POLR1D: variants seen among roughly 807,000 people sequenced by gnomAD.
POLR1D encodes RNA polymerase I and III subunit D.
Under a neutral mutation model 10.8 loss-of-function variants are expected in POLR1D, and 8 were observed. The observed-to-expected ratio is 0.74, with a 90% CI of 0.43 to 1.33. The LOEUF (loss-of-function observed/expected upper bound fraction) is 1.33. POLR1D is among the 40% of genes most tolerant of loss of function. The probability of loss-of-function intolerance (pLI) is 0.01; values close to 1 mark genes in which losing one functional copy is unlikely to be tolerated. For missense variants in POLR1D, 152 were observed against 161.7 expected (o/e 0.94, Z 0.32); for synonymous variants, 54 against 57.2 (o/e 0.94, Z 0.25).
At chr13:27,641,596 A>C (rs1330315808) in intron 1 of POLR1D, among the ~76,000 whole-genome samples, 1 of 152,204 alleles carries the variant, frequency 6.6e-6, no homozygotes, top group Non-Finnish European at 1.5e-5. Flanking sequence ...CATATTTGTC[A>C]AGATAGGAAG....
At chr13:27,664,453 A>G (rs1483147249) in intron 2 of POLR1D, among the ~76,000 whole-genome samples, 1 of 151,974 alleles carries the variant, frequency 6.6e-6, no homozygotes, top group Non-Finnish European at 1.5e-5. Context: ...GTCCTTTTCT[A>G]AGTTTCTCCT....
intron 1 of POLR1D, among the ~76,000 whole-genome samples, chr13:27,638,756 A>G (rs1956149419): frequency 6.6e-6 from 1 of 152,200 alleles, no homozygotes; most frequent in African/African-American, 2.4e-5. Context: ...AGGACAGTCT[A>G]CAGAGAACTG....
exon 3 of POLR1D, chr13:27,665,769 A>T (rs745567264): frequency 6.2e-7 from 1 of 1,613,890 alleles, no homozygotes; most frequent in Non-Finnish European, 8.5e-7. Flanking sequence ...AAAGAGCAAG[A>T]CCATGAACAA....
chr13:27,621,481 G>A (rs978324503), upstream of POLR1D: 1 of 152,402 alleles, frequency 6.6e-6, no homozygotes, highest in African/African-American at 2.4e-5. Context: ...CCCACAAAAG[G>A]CCCGGGAGGG....
chr13:27,629,587 A>C (rs1209420133), intron 1 of POLR1D, among the ~76,000 whole-genome samples: 1 of 152,192 alleles, frequency 6.6e-6, no homozygotes, highest in Non-Finnish European at 1.5e-5. Flanking sequence ...ATATGATTTG[A>C]GGACCCCTGT....
Position 27,636,538 on chromosome 13 carries a change from T to C in POLR1D, c.27-11841T>C, listed in dbSNP as rs183809359. 2.6e-3 allele frequency among the ~76,000 whole-genome samples: 396 copies of C among 152,038 alleles called. 3 individuals are homozygous for C. Among genetic ancestry groups the C allele is most frequent in the African/African-American group, 9.2e-3 (382 of 41,308 alleles). On this transcript the variant is annotated intron_variant, in intron 1 of 2. Transcript: ENST00000399697. Reference sequence around the variant, plus strand: ...AAAACACTGGGCGTTCAGGAATTAATATAGTGTATGTCCCGATTTCTATCA... The same window carrying C: ...AAAACACTGGGCGTTCAGGAATTAACATAGTGTATGTCCCGATTTCTATCA...
At chr13:27,644,874 TTTAAG>T (rs1432896415) in intron 1 of POLR1D, among the ~76,000 whole-genome samples, 11 of 152,196 alleles carry the variant, frequency 7.2e-5, no homozygotes, top group Non-Finnish European at 1.5e-4. Context: ...TCTTTGATAA[TTTAAG>T]TTATTTTGCC....
chr13:27,659,434 C>T (rs1956337779), intron 2 of POLR1D, among the ~76,000 whole-genome samples: 1 of 152,158 alleles, frequency 6.6e-6, no homozygotes, highest in South Asian at 2.1e-4. Context: ...GATCCAAAGC[C>T]TTTATACGTA....
chr13:27,622,796 G>T, intron 1 of POLR1D, 79 bp from the exon 2 acceptor site: 2 of 868,750 alleles, frequency 2.3e-6, no homozygotes, highest in South Asian at 2.9e-5. Flanking sequence ...GTGTTGCAAT[G>T]TGATATAGTA....
upstream of POLR1D, chr13:27,621,864 C>T: frequency 9.4e-7 from 1 of 1,066,330 alleles, no homozygotes; most frequent in Non-Finnish European, 1.4e-6. Context: ...CTCCCTCCTT[C>T]CGTCCTCCGC....
intron 2 of POLR1D, among the ~76,000 whole-genome samples, chr13:27,651,705 G>C (rs756416266): frequency 6.6e-6 from 1 of 152,180 alleles, no homozygotes; most frequent in Non-Finnish European, 1.5e-5. Context: ...ATAAACAAAA[G>C]CTCTTTGGGG....
At chr13:27,664,407 C>G (rs1176074339) in intron 2 of POLR1D, among the ~76,000 whole-genome samples, 1 of 152,156 alleles carries the variant, frequency 6.6e-6, no homozygotes, top group African/African-American at 2.4e-5. Flanking sequence ...CTGTTGCACT[C>G]CACTGTCCTT....
intron 1 of POLR1D, among the ~76,000 whole-genome samples, chr13:27,639,680 C>T (rs983184521): frequency 1.3e-5 from 2 of 152,130 alleles, no homozygotes; most frequent in Non-Finnish European, 2.9e-5. Flanking sequence ...GGGAGCTAAA[C>T]GTTAAGAATT....
In POLR1D at chr13:27,663,707, G is replaced by A. The variant is rs941663493; in HGVS notation, c.102-1979G>A. ...TTCTGAGATCCTGGATTACCATCAC[G>A]TCTGGGAAAAGTACCCTTCCTTGTT... On this transcript the variant is annotated intron_variant, in intron 2 of 2. Transcript: ENST00000399697. This position sits in a 1 kb window ranked among gnomAD's most constrained non-coding sequence, Gnocchi z 4.1. Among the ~76,000 whole-genome samples the A allele has an allele frequency of 2.2e-4, 34 of 151,948 alleles. No individual in the cohort carries two copies. The highest frequency in any genetic ancestry group is 7.3e-4 in the African/African-American group (30 of 41,374).
At chr13:27,622,060 G>A (rs1451046234) in intron 1 of POLR1D, 51 bp downstream of exon 1, 1 of 1,513,998 alleles carries the variant, frequency 6.6e-7, no homozygotes, top group Admixed American at 2.0e-5. Flanking sequence ...AAGGGGAGCG[G>A]GTGGCCGAGG....
At chr13:27,631,037 C>T (rs757813294) in intron 1 of POLR1D, among the ~76,000 whole-genome samples, 12 of 152,220 alleles carry the variant, frequency 7.9e-5, no homozygotes, top group Non-Finnish European at 1.8e-4. Flanking sequence ...TGTCCATTTC[C>T]AAAGTCGTTT....
At chr13:27,658,931 T>C (rs1444624109) in intron 2 of POLR1D, among the ~76,000 whole-genome samples, 1 of 152,218 alleles carries the variant, frequency 6.6e-6, no homozygotes, top group Non-Finnish European at 1.5e-5. Context: ...AGCCTTATAC[T>C]TGGAAAAGCT....
chr13:27,657,063 G>A (rs1956314607), intron 2 of POLR1D, among the ~76,000 whole-genome samples: 1 of 152,186 alleles, frequency 6.6e-6, no homozygotes, highest in Non-Finnish European at 1.5e-5. Context: ...TCTGTGAGAA[G>A]TTAGGCCTCC....
rs536791555 is a variant in POLR1D at position 27,646,492 on chromosome 13, T to C, written c.27-1887T>C. ...TACCTCTTTGTGATTCCATAAGAGGTTGGGCTGCGAAACTTGTGATTGAGG... is the reference window on the plus strand; with the variant it reads ...TACCTCTTTGTGATTCCATAAGAGGCTGGGCTGCGAAACTTGTGATTGAGG... On this transcript the variant is annotated intron_variant, in intron 1 of 2. Coordinates refer to the POLR1D transcript ENST00000399697. Among the ~76,000 whole-genome samples, 5 of 152,200 alleles carry C rather than the reference T, an allele frequency of 3.3e-5. No individual in the cohort carries two copies. In the East Asian group the frequency reaches 9.7e-4, roughly 29 times the overall value.
Sources: allele counts gnomAD v4.1 joint callset (sites outside exome capture counted in the v4.1 genomes callset), GRCh38; gene constraint gnomAD v4.1.1; non-coding constraint Gnocchi (gnomAD v3.1); transcripts MANE v1.5; gene names NCBI Gene and HGNC (gene_info 2026-07-23, HGNC 2026-07-21).